The following THRB variants were observed in gnomAD, a reference collection of about 807,000 sequenced individuals.
The protein encoded by THRB is nuclear receptor subfamily 1 group A member 2.
In THRB, 12 loss-of-function variants were observed where a neutral mutation model predicts 47.8. The observed-to-expected ratio is 0.25, with a 90% CI of 0.16 to 0.41. The LOEUF (loss-of-function observed/expected upper bound fraction) is 0.41, where lower values mean the gene tolerates loss of function less well. Ranked by LOEUF, THRB falls within the 10% of genes least tolerant of loss-of-function variation. The pLI is 1.00. For synonymous variants in THRB, 218 were observed against 212.2 expected, an observed-to-expected ratio of 1.03 and a Z score of -0.24; for missense variants, 348 against 589.2, an observed-to-expected ratio of 0.59 and a Z score of 4.24.
At chr3:24,294,762 A>G (rs1333930064) in intron 3 of THRB, among the ~76,000 whole-genome samples, 1 of 152,200 alleles carries the variant, frequency 6.6e-6, no homozygotes. Context: ...TGCTTTGTGA[A>G]GGAACTCCAT....
At chr3:24,181,679 A>G (rs529356392) in intron 5 of THRB, among the ~76,000 whole-genome samples, 1 of 152,300 alleles carries the variant, frequency 6.6e-6, no homozygotes, top group East Asian at 1.9e-4. Context: ...ACAACCTGAC[A>G]AGCTGCACAG....
At position 24,121,638 on chromosome 3, in the gene THRB, G is replaced by C. The variant is rs569200382; in HGVS notation, c.*1246C>G. 1 of 152,368 alleles carries C rather than the reference G, an allele frequency of 6.6e-6. No individual in the cohort carries two copies. Among genetic ancestry groups the C allele is most frequent in the Non-Finnish European group, 1.5e-5 (1 of 68,118 alleles). The allele number at this position is 152,368 out of a possible 1,614,324, so 9.4% of individuals were successfully genotyped here. On this transcript the variant is annotated 3_prime_UTR_variant, in exon 11 of 11. Coordinates refer to ENST00000646209, the MANE Select transcript of THRB (RefSeq NM_001354712.2). Reference sequence around the variant, plus strand: ...TGCAGGTGTTTTCTATTGAGTATCTGTCAGGGTATGCTATGAGAGGGACAG... The same window carrying C: ...TGCAGGTGTTTTCTATTGAGTATCTCTCAGGGTATGCTATGAGAGGGACAG...
chr3:24,220,761 G>C (rs1399777615), intron 4 of THRB, among the ~76,000 whole-genome samples: 1 of 146,448 alleles, frequency 6.8e-6, no homozygotes, highest in African/African-American at 2.6e-5. Context: ...TGGAAATGCA[G>C]CATGAAAAAG....
intron 1 of THRB, among the ~76,000 whole-genome samples, chr3:24,339,442 C>G (rs1036669261): frequency 1.3e-5 from 2 of 152,096 alleles, no homozygotes; most frequent in African/African-American, 4.8e-5. Context: ...CAAAGTCAAA[C>G]AGTGCAGAAG....
At chr3:24,165,241 A>T (rs1387892170) in intron 5 of THRB, 2 of 765,046 alleles carry the variant, frequency 2.6e-6, no homozygotes, top group Admixed American at 3.4e-5. Context: ...GAGCATCGCA[A>T]CCGCTGTAAC....
chr3:24,433,538 G>C (rs1001616980), intron 1 of THRB, among the ~76,000 whole-genome samples: 1 of 152,102 alleles, frequency 6.6e-6, no homozygotes, highest in Non-Finnish European at 1.5e-5. Flanking sequence ...CAGACCCTTT[G>C]ACTTCAGCTC....
chr3:24,419,901 A>T (rs892643474), intron 1 of THRB, among the ~76,000 whole-genome samples: 4 of 151,928 alleles, frequency 2.6e-5, no homozygotes, highest in Admixed American at 1.3e-4. Flanking sequence ...GGTATTTATT[A>T]TCTCAACCAT....
intron 3 of THRB, among the ~76,000 whole-genome samples, chr3:24,292,942 G>T (rs968479404): frequency 6.6e-6 from 1 of 152,008 alleles, no homozygotes; most frequent in African/African-American, 2.4e-5. Context: ...AGTTAAAAAA[G>T]TTTAATTTAT....
Position 24,419,708 on chromosome 3 carries a change from C to T in THRB, c.-261+74944G>A, listed in dbSNP as rs533717636. Among the ~76,000 whole-genome samples, 7 of 152,044 alleles carry T rather than the reference C, an allele frequency of 4.6e-5. No individual in the cohort carries two copies. In the South Asian group the frequency reaches 1.5e-3, roughly 32 times the overall value. On this transcript the variant is annotated intron_variant, in intron 1 of 10. Coordinates refer to ENST00000646209, the MANE Select transcript of THRB (RefSeq NM_001354712.2). Reference sequence around the variant, plus strand: ...CCTTTGTCCAGTAATTCTGAAATAACTTGGTCATATTTATATATCACATCT... The same window carrying T: ...CCTTTGTCCAGTAATTCTGAAATAATTTGGTCATATTTATATATCACATCT...
chr3:24,426,333 G>A (rs2069758010), intron 1 of THRB, among the ~76,000 whole-genome samples: 1 of 151,936 alleles, frequency 6.6e-6, no homozygotes, highest in Non-Finnish European at 1.5e-5. Context: ...AATATTGGTA[G>A]TTATATAAAA....
At chr3:24,263,769 T>G (rs999999245) in intron 3 of THRB, among the ~76,000 whole-genome samples, 8 of 152,146 alleles carry the variant, frequency 5.3e-5, no homozygotes, top group Non-Finnish European at 7.3e-5. Flanking sequence ...AGAACATATC[T>G]TTCATTCATA....
intron 3 of THRB, among the ~76,000 whole-genome samples, chr3:24,270,117 T>C (rs1174996861): frequency 6.6e-6 from 1 of 152,188 alleles, no homozygotes; most frequent in East Asian, 1.9e-4. Flanking sequence ...TAAAAGATGG[T>C]TCTATGCAAA....
At chr3:24,293,881 G>A (rs1369060370) in intron 3 of THRB, among the ~76,000 whole-genome samples, 1 of 152,126 alleles carries the variant, frequency 6.6e-6, no homozygotes, top group Non-Finnish European at 1.5e-5. Flanking sequence ...CAACCATCTT[G>A]TTTTCCTTCA....
chr3:24,359,381 C>A (rs984674960), intron 1 of THRB, among the ~76,000 whole-genome samples: 1 of 152,120 alleles, frequency 6.6e-6, no homozygotes, highest in African/African-American at 2.4e-5. Flanking sequence ...GCTCCAAAAG[C>A]AGGTGTTCCA....
At position 24,119,532 on chromosome 3, in the gene THRB, G is replaced by C. The variant is rs1296201689; in HGVS notation, c.*3352C>G. On this transcript the variant is annotated 3_prime_UTR_variant, in exon 11 of 11. Transcript: ENST00000646209. ...GTTCCTTGGAGGCTGAGTCTGTGGG[G>C]GGCTTAGTGTCGAGGAGGGGCCAGG... 1 of 152,354 alleles carries C rather than the reference G, an allele frequency of 6.6e-6. No homozygotes were observed. The highest frequency in any genetic ancestry group is 6.5e-5 in the Admixed American group (1 of 15,278). 9.4% of individuals were successfully genotyped at this position (152,354 alleles called of 1,614,324 possible). A position where few individuals can be genotyped will look rare whatever the true frequency, so the allele number is the denominator to read the frequency against.
intron 5 of THRB, among the ~76,000 whole-genome samples, chr3:24,184,002 A>G (rs1187915795): frequency 1.3e-5 from 2 of 152,150 alleles, no homozygotes; most frequent in Admixed American, 6.5e-5. Flanking sequence ...GCCCTTTTCT[A>G]AGGTATCTAC....
chr3:24,119,364 T>C lies in THRB; in HGVS notation c.*3520A>G, dbSNP rs1258085811. 1 of 152,226 alleles carries C rather than the reference T, an allele frequency of 6.6e-6. No homozygotes were observed. Among genetic ancestry groups the C allele is most frequent in the Non-Finnish European group, 1.5e-5 (1 of 68,040 alleles). The allele number at this position is 152,226 out of a possible 1,614,324, so 9.4% of individuals were successfully genotyped here. ...CATGAAAAAGGTTTAGCCTTACAAA[T>C]GCTGGCTACATTTCAAAAACTGTAA... On this transcript the variant is annotated 3_prime_UTR_variant, in exon 11 of 11. Coordinates refer to ENST00000646209, the MANE Select transcript of THRB (RefSeq NM_001354712.2).
intron 4 of THRB, among the ~76,000 whole-genome samples, chr3:24,226,999 T>C (rs1015504464): frequency 1.3e-5 from 2 of 152,140 alleles, no homozygotes; most frequent in Admixed American, 1.3e-4. Flanking sequence ...GAATGGTCAC[T>C]CTCCCTAGAT....
At chr3:24,305,016 G>A (rs570332698) in intron 2 of THRB, among the ~76,000 whole-genome samples, 95 of 152,300 alleles carry the variant, frequency 6.2e-4, no homozygotes, top group Non-Finnish European at 1.1e-3. Context: ...ATGGGGGGAA[G>A]AAGTATCAGG....
Sources: gnomAD v4.1 joint callset for allele counts (sites outside exome capture counted in the v4.1 genomes callset) on GRCh38, gnomAD v4.1.1 for gene constraint, MANE v1.5 for transcripts, NCBI Gene and HGNC (gene_info 2026-07-23, HGNC 2026-07-21) for gene names.